The following C11orf65 variants were observed in gnomAD, a reference collection of about 807,000 sequenced individuals.
C11orf65 encodes the protein chromosome 11 open reading frame 65, also known as protein MFI.
A neutral mutation model predicts 35.3 loss-of-function variants in C11orf65; 38 were observed. That is an observed-to-expected ratio of 1.08 (90% CI 0.83 to 1.41). The LOEUF is 1.41. C11orf65 is among the 40% of genes most tolerant of loss of function. The pLI is 0.00. For synonymous variants in C11orf65, 105 were observed against 114.4 expected, an observed-to-expected ratio of 0.92 and a Z score of 0.53; for missense variants, 370 against 367.1, an observed-to-expected ratio of 1.01 and a Z score of -0.06.
intron 3 of C11orf65, among the ~76,000 whole-genome samples, chr11:108,429,916 C>CACTCCTATG (rs1338173883): frequency 6.6e-6 from 1 of 152,092 alleles, no homozygotes; most frequent in Non-Finnish European, 1.5e-5. Flanking sequence ...TGTATAATTC[C>CACTCCTATG]ACTCCTATGA....
rs186529499 is a variant in C11orf65, at chr11:108,312,199, C to T, written c.641-3128G>A. 1.6e-4 allele frequency among the ~76,000 whole-genome samples: 25 copies of T among 152,224 alleles called. No homozygotes were observed. In the East Asian group the frequency reaches 4.6e-3, roughly 28 times the overall value. ...AATCATATTTTTGCATATAGGCTTC[C>T]CATATGTAGATTATTCTTAAAATAT... On this transcript the variant is annotated intron_variant, in intron 6 of 6. Transcript: ENST00000525729.
intron 3 of C11orf65, among the ~76,000 whole-genome samples, chr11:108,420,068 A>C (rs902982305): frequency 1.3e-5 from 2 of 152,236 alleles, no homozygotes; most frequent in African/African-American, 2.4e-5. Flanking sequence ...GAACAAAGCT[A>C]ATGTGCAAAA....
Position 108,407,080 on chromosome 11 carries a change from A to T in C11orf65, c.228+16T>A. The T allele has an allele frequency of 1.9e-6, 3 of 1,605,308 alleles. No individual in the cohort carries two copies. The highest frequency in any genetic ancestry group is 2.6e-6 in the Non-Finnish European group (3 of 1,173,412). On this transcript the variant is annotated intron_variant, in intron 4 of 8. Coordinates refer to ENST00000393084, the MANE Select transcript of C11orf65 (RefSeq NM_152587.5). The stretch of plus-strand genomic sequence containing the variant: ...TGTGCTTTATAACTACTAAATAAGC[A>T]TTCATCCATACTTACTCCACCTAAT...
intron 2 of C11orf65, chr11:108,335,798 T>C: frequency 6.7e-7 from 1 of 1,488,338 alleles, no homozygotes; most frequent in Non-Finnish European, 9.3e-7. Context: ...TGTGTTTTTA[T>C]AATAAAATAA....
chr11:108,359,358 C>G (rs1291799456), intron 2 of C11orf65, among the ~76,000 whole-genome samples: 1 of 152,058 alleles, frequency 6.6e-6, no homozygotes, highest in Non-Finnish European at 1.5e-5. Context: ...GAGACTTTAA[C>G]ACCCCACTGT....
rs2086712721 is a variant in C11orf65, at chr11:108,335,270, T to G, written c.250A>C (p.Ser84Arg). 2.0e-6 allele frequency: 3 copies of G among 1,523,100 alleles called. No homozygotes were observed. In the South Asian group the frequency reaches 3.6e-5, roughly 19 times the overall value. 94.3% of individuals were successfully genotyped at this position (1,523,100 alleles called of 1,614,324 possible). The change falls in exon 3 of 4, where the codon AGC becomes CGC. Residue 84 changes from serine (S) to arginine (R), a missense_variant. By Grantham distance (110) the Ser-to-Arg change is moderately radical (BLOSUM62 -1). Coordinates refer to the C11orf65 transcript ENST00000524755. ...AATGCATTATTTTCTAGAACCAGGC[T>G]TTTCTCCATTTTTTTTGTGTCTCTG...
chr11:108,362,409 G>A (rs1053853953), intron 2 of C11orf65, among the ~76,000 whole-genome samples: 7 of 151,896 alleles, frequency 4.6e-5, no homozygotes, highest in Admixed American at 3.3e-4. Context: ...CAGGGATCTA[G>A]AATTAGAAAT....
chr11:108,455,993 A>T (rs1336641779), intron 2 of C11orf65, among the ~76,000 whole-genome samples: 1 of 151,736 alleles, frequency 6.6e-6, no homozygotes, highest in East Asian at 1.9e-4. Flanking sequence ...CCCATCTACA[A>T]AAAGTACAGA....
chr11:108,400,776 T>C (rs916444763), intron 6 of C11orf65, among the ~76,000 whole-genome samples: 2 of 152,118 alleles, frequency 1.3e-5, no homozygotes, highest in African/African-American at 2.4e-5. Context: ...ATCTCCAGCC[T>C]TGTAAAGGAC....
intron 3 of C11orf65, among the ~76,000 whole-genome samples, chr11:108,430,976 C>G (rs1219479348): frequency 4.0e-5 from 6 of 150,346 alleles, no homozygotes; most frequent in Admixed American, 4.0e-4. Flanking sequence ...CTTTCCACAT[C>G]ACAAAAGTAT....
chr11:108,448,229 T>A (rs1198466205), intron 2 of C11orf65, among the ~76,000 whole-genome samples: 2 of 152,324 alleles, frequency 1.3e-5, no homozygotes, highest in Middle Eastern at 3.4e-3. Context: ...GTACCATTCC[T>A]TCTGAAACTA....
chr11:108,453,971 G>A (rs1332862024), intron 2 of C11orf65, among the ~76,000 whole-genome samples: 1 of 152,194 alleles, frequency 6.6e-6, no homozygotes, highest in African/African-American at 2.4e-5. Flanking sequence ...GAAAAGGGCA[G>A]ATTATTATTT....
chr11:108,452,386 G>A (rs995125235), intron 2 of C11orf65, among the ~76,000 whole-genome samples: 2 of 152,234 alleles, frequency 1.3e-5, no homozygotes, highest in South Asian at 4.1e-4. Context: ...GCAGCCAACA[G>A]ACACATGAAA....
At chr11:108,422,750 C>T (rs751099280) in intron 3 of C11orf65, among the ~76,000 whole-genome samples, 2 of 151,944 alleles carry the variant, frequency 1.3e-5, no homozygotes, top group Non-Finnish European at 2.9e-5. Flanking sequence ...GGCATGGTGG[C>T]GGGCACCTGT....
chr11:108,465,999 A>C (rs2093532399), intron 1 of C11orf65, among the ~76,000 whole-genome samples: 1 of 98,172 alleles, frequency 1.0e-5, no homozygotes, highest in Admixed American at 8.7e-5. Context: ...AAAAAAAAAC[A>C]ACAACAACAA....
chr11:108,333,413 C>A (rs897205546), intron 3 of C11orf65, among the ~76,000 whole-genome samples: 1 of 152,138 alleles, frequency 6.6e-6, no homozygotes, highest in African/African-American at 2.4e-5. Context: ...TTCTAAGTAT[C>A]TCCCCATACT....
intron 6 of C11orf65, among the ~76,000 whole-genome samples, chr11:108,322,341 A>G (rs959476515): frequency 8.6e-5 from 13 of 152,032 alleles, no homozygotes; most frequent in Non-Finnish European, 1.5e-4. Flanking sequence ...TTTAATAGAG[A>G]CGGGGTTTCG....
At position 108,365,177 on chromosome 11, in the gene C11orf65, T is replaced by C. The variant is rs780572651; in HGVS notation, c.226+28031A>G. 1 of 1,614,230 alleles carries C rather than the reference T, an allele frequency of 6.2e-7. No individual in the cohort carries two copies. The highest frequency in any genetic ancestry group is 2.2e-5 in the East Asian group (1 of 44,890). ...CGGAAGATGAAACTGAGCTTCACCC[T>C]ACTCTGAATGCAGATGACCAAGAAT... On this transcript the variant is annotated intron_variant, in intron 2 of 3. Coordinates refer to the C11orf65 transcript ENST00000524755.
chr11:108,431,874 T>C (rs761430163), intron 2 of C11orf65, 36 bp from the exon 3 acceptor site: 4 of 1,303,116 alleles, frequency 3.1e-6, no homozygotes, highest in South Asian at 3.2e-5. Flanking sequence ...TGATCAAAAC[T>C]GGATTTTCTA....
Sources: gnomAD v4.1 joint callset for allele counts (sites outside exome capture counted in the v4.1 genomes callset) on GRCh38, gnomAD v4.1.1 for gene constraint, MANE v1.5 for transcripts, NCBI Gene and HGNC (gene_info 2026-07-23, HGNC 2026-07-21) for gene names.